The following RASA3 variants were observed in gnomAD, a reference collection of about 807,000 sequenced individuals.
RASA3 encodes the protein ras GTPase-activating protein 3.
Under a neutral mutation model 110.0 loss-of-function variants are expected in RASA3, and 73 were observed. The observed-to-expected ratio is 0.66, with a 90% confidence interval of 0.55 to 0.81. The LOEUF is 0.81. Ranked by LOEUF, RASA3 falls within the 30% of genes least tolerant of loss-of-function variation. The probability of loss-of-function intolerance (pLI) is 0.00; values close to 1 mark genes in which losing one functional copy is unlikely to be tolerated. For synonymous variants in RASA3, 500 were observed against 451.4 expected (o/e 1.11, Z -1.37); for missense variants, 976 against 1,113.2 (o/e 0.88, Z 1.75).
At chr13:114,121,881 C>T (rs554519828) in intron 1 of RASA3, among the ~76,000 whole-genome samples, 5 of 152,348 alleles carry the variant, frequency 3.3e-5, no homozygotes, top group South Asian at 2.1e-4. Context: ...TCTCCTGCCT[C>T]GCACCATGCA....
chr13:114,093,507 G>C (rs984467669), intron 1 of RASA3, among the ~76,000 whole-genome samples: 6 of 152,282 alleles, frequency 3.9e-5, no homozygotes, highest in Non-Finnish European at 7.4e-5. Context: ...TGATCTTTGA[G>C]AGTTTTTTGA....
In RASA3 at chr13:114,009,622, C is replaced by T. The variant is rs77960330; in HGVS notation, c.1591-158G>A. 2.3e-3 allele frequency among the ~76,000 whole-genome samples: 357 copies of T among 152,328 alleles called. 9 individuals carry two copies. In the East Asian group the frequency reaches 0.059, roughly 25 times the overall value. On this transcript the variant is annotated intron_variant, in intron 16 of 23. Transcript: ENST00000334062. ...GCAAGTGAGAGCCCGCAGGGCTGCC[C>T]GGAGGACGAATCACATAAATCGCTC...
intron 8 of RASA3, 146 bp from the exon 9 acceptor site, chr13:114,021,654 C>T (rs907417946): frequency 7.8e-6 from 5 of 644,110 alleles, no homozygotes; most frequent in South Asian, 1.9e-5. Flanking sequence ...CCACAGGGCA[C>T]GTTTCAAACA....
At chr13:114,024,824 C>T (rs1038156066) in intron 7 of RASA3, among the ~76,000 whole-genome samples, 3 of 152,216 alleles carry the variant, frequency 2.0e-5, no homozygotes, top group Non-Finnish European at 4.4e-5. Context: ...TGGCCGGCCC[C>T]GAACAGGCCC....
intron 15 of RASA3, among the ~76,000 whole-genome samples, chr13:114,012,759 TCCC>T (rs1477015279): frequency 2.2e-5 from 1 of 45,000 alleles, no homozygotes; most frequent in Non-Finnish European, 4.2e-5. Flanking sequence ...CCACACACAC[TCCC>T]CATTCCACAT....
At chr13:114,027,279 G>A (rs1263399839) in intron 7 of RASA3, 110 bp downstream of exon 7, 20 of 1,004,736 alleles carry the variant, frequency 2.0e-5, no homozygotes, top group South Asian at 3.1e-5. Flanking sequence ...GCTCCTCTCC[G>A]GAAGGAACTT....
At chr13:114,089,262 G>A (rs189207357) in intron 1 of RASA3, among the ~76,000 whole-genome samples, 2 of 146,286 alleles carry the variant, frequency 1.4e-5, no homozygotes, top group African/African-American at 2.5e-5. Flanking sequence ...AGAGAGGAGG[G>A]GAGACGAGGG....
At chr13:114,105,870 G>C (rs2080127481) in intron 1 of RASA3, among the ~76,000 whole-genome samples, 1 of 152,192 alleles carries the variant, frequency 6.6e-6, no homozygotes, top group South Asian at 2.1e-4. Context: ...AACTATTACG[G>C]TAAGCTACAC....
At chr13:114,121,253 CA>C (rs1182785057) in intron 1 of RASA3, among the ~76,000 whole-genome samples, 2 of 152,244 alleles carry the variant, frequency 1.3e-5, no homozygotes, top group Non-Finnish European at 2.9e-5. Flanking sequence ...GTGCCCCAAA[CA>C]CATCCCGCCG....
At chr13:114,024,858 G>A (rs1050569118) in intron 7 of RASA3, among the ~76,000 whole-genome samples, 9 of 152,106 alleles carry the variant, frequency 5.9e-5, no homozygotes, top group East Asian at 1.9e-4. Flanking sequence ...AGGGTCAGAC[G>A]GTGGAAAGTC....
chr13:114,128,966 T>A (rs2080484560), intron 1 of RASA3, among the ~76,000 whole-genome samples: 1 of 152,138 alleles, frequency 6.6e-6, no homozygotes, highest in Admixed American at 6.5e-5. Context: ...AAACACCTTG[T>A]GTGTTGCTCT....
chr13:114,013,485 C>CCG (rs2053690918), intron 14 of RASA3, among the ~76,000 whole-genome samples: 1 of 142,478 alleles, frequency 7.0e-6, no homozygotes, highest in African/African-American at 2.7e-5. Flanking sequence ...CTCTCCGTAT[C>CCG]TCTGTCTCTC....
chr13:114,088,574 G>A (rs914737962), intron 1 of RASA3, among the ~76,000 whole-genome samples: 5 of 146,506 alleles, frequency 3.4e-5, no homozygotes, highest in African/African-American at 1.0e-4. Context: ...TTTTTGAGAC[G>A]GAGTTTCACT....
intron 20 of RASA3, among the ~76,000 whole-genome samples, chr13:113,999,181 C>G (rs985393648): frequency 6.6e-6 from 1 of 152,196 alleles, no homozygotes; most frequent in African/African-American, 2.4e-5. Context: ...AGTACTTGTT[C>G]TACTCGTGCA....
intron 1 of RASA3, among the ~76,000 whole-genome samples, chr13:114,095,943 G>A (rs1566568495): frequency 6.6e-6 from 1 of 152,244 alleles, no homozygotes; most frequent in Non-Finnish European, 1.5e-5. Flanking sequence ...TGTGGGGGCA[G>A]AGCAATTATG....
intron 2 of RASA3, among the ~76,000 whole-genome samples, chr13:114,059,528 G>A (rs1344079599): frequency 1.3e-5 from 2 of 152,230 alleles, no homozygotes; most frequent in Non-Finnish European, 2.9e-5. Context: ...ACGCTGCCTT[G>A]CCAGAGGCCA....
At chr13:113,982,709 C>T (rs191050791) in intron 22 of RASA3, among the ~76,000 whole-genome samples, 4 of 152,336 alleles carry the variant, frequency 2.6e-5, no homozygotes, top group African/African-American at 9.6e-5. Flanking sequence ...GAAATCCTAA[C>T]TCTCAAGGGA....
At chr13:114,030,458 ACACAGAGGGCAAGGC>A (rs1566501713) in intron 4 of RASA3, among the ~76,000 whole-genome samples, 21 of 114,594 alleles carry the variant, frequency 1.8e-4, no homozygotes, top group African/African-American at 5.8e-4. Flanking sequence ...GGCAAGGCTC[ACACAGAGGGCAAGGC>A]TCACACAGAG....
rs371286285 is a variant in RASA3, at chr13:114,018,847, G to A, written c.858C>T (p.Asn286=). 2.5e-5 allele frequency: 40 copies of A among 1,613,822 alleles called. No homozygotes were observed. Among genetic ancestry groups the A allele is most frequent in the African/African-American group, 9.3e-5 (7 of 74,938 alleles). ...KPDDLGSLRL[N]VVYTEDHVFS... The stretch of plus-strand genomic sequence containing the variant: ...ACACGTGGTCTTCCGTGTATACCAC[G>A]TTCAGCCGCAGGGAGCCCAGGTCGT... Residue 286 remains asparagine (N), a synonymous_variant, in exon 10 of 24, where the codon AAC becomes AAT. Coordinates refer to ENST00000334062, the MANE Select transcript of RASA3 (RefSeq NM_007368.4).
Sources: allele counts gnomAD v4.1 joint callset (sites outside exome capture counted in the v4.1 genomes callset), GRCh38; gene constraint gnomAD v4.1.1; transcripts MANE v1.5; gene names NCBI Gene and HGNC (gene_info 2026-07-23, HGNC 2026-07-21).